The following LAMA1 variants were observed in gnomAD, a reference collection of about 807,000 sequenced individuals.
LAMA1 encodes laminin subunit alpha 1.
LAMA1 carries 219 observed loss-of-function variants against 348.7 expected under a neutral mutation model. The observed-to-expected ratio is 0.63, with a 90% CI of 0.56 to 0.70. The LOEUF (loss-of-function observed/expected upper bound fraction) is 0.70, where lower values mean the gene tolerates loss of function less well. Among genes scored for constraint, LAMA1 ranks in the 30% least tolerant of loss-of-function variants. LAMA1 has a pLI of 0.00. For missense variants in LAMA1, 3,744 were observed against 3,888.0 expected (o/e 0.96, Z 0.99); for synonymous variants, 1,487 against 1,491.0 (o/e 1.00, Z 0.06).
Position 6,977,710 on chromosome 18 carries a change from CG to C in LAMA1, c.6345+16del, listed in dbSNP as rs2057688755. 1.1e-5 allele frequency: 17 copies of C among 1,613,790 alleles called. No homozygotes were observed. Among genetic ancestry groups the C allele is most frequent in the Non-Finnish European group, 1.3e-5 (15 of 1,179,854 alleles). Reference sequence around the variant, plus strand: ...ACTGAGAGCCCAGTTACGAAAGCCACGGGGCCCCAAACTCACAGAAGCTGCT... The same window carrying C: ...ACTGAGAGCCCAGTTACGAAAGCCACGGGCCCCAAACTCACAGAAGCTGCT... On this transcript the variant is annotated intron_variant, in intron 44 of 62. Coordinates refer to ENST00000389658, the MANE Select transcript of LAMA1 (RefSeq NM_005559.4).
intron 11 of LAMA1, chr18:7,038,519 C>T: frequency 2.2e-6 from 1 of 450,956 alleles, no homozygotes; most frequent in Admixed American, 3.4e-5. Flanking sequence ...GGAGGGAGAG[C>T]CGACCTCCCC....
intron 27 of LAMA1, among the ~76,000 whole-genome samples, chr18:7,008,935 C>T (rs571424049): frequency 3.9e-5 from 6 of 152,256 alleles, no homozygotes; most frequent in South Asian, 2.1e-4. Flanking sequence ...TACATCACTA[C>T]GAAGACATGG....
At position 6,966,245 on chromosome 18, in the gene LAMA1, C is replaced by T. The variant is rs750029622; in HGVS notation, c.6952G>A (p.Val2318Met). Residue 2318 changes from valine to methionine, a missense_variant, in exon 49 of 63, where the codon GTG (valine) becomes ATG (methionine). Val to Met is a conservative substitution (Grantham distance 21). Coordinates refer to ENST00000389658, the MANE Select transcript of LAMA1 (RefSeq NM_005559.4). Reference protein sequence around the residue: ...FHFDGSGYSVVEKSLPATVTQ... With the variant: ...FHFDGSGYSVMEKSLPATVTQ... ...ACGGTAGCCGGAAGTGACTTCTCCA[C>T]GACAGAGTACCCACTCCCGTCAAAA... The T allele has an allele frequency of 4.5e-5, 73 of 1,613,752 alleles. No individual in the cohort carries two copies. Among genetic ancestry groups the T allele is most frequent in the South Asian group, 7.7e-5 (7 of 90,970 alleles).
chr18:7,032,658 T>C (rs2057975658), intron 15 of LAMA1, among the ~76,000 whole-genome samples: 2 of 152,170 alleles, frequency 1.3e-5, no homozygotes. Flanking sequence ...CACATGCTGG[T>C]GATTTGTAAA....
chr18:7,078,191 G>C (rs187114383), intron 3 of LAMA1, among the ~76,000 whole-genome samples: 12 of 123,920 alleles, frequency 9.7e-5, no homozygotes, highest in African/African-American at 2.8e-4. Context: ...TTTTGAGACA[G>C]AGTCTCGCTC....
chr18:7,078,387 C>T (rs1218995733), intron 3 of LAMA1, among the ~76,000 whole-genome samples: 4 of 151,580 alleles, frequency 2.6e-5, no homozygotes, highest in South Asian at 2.1e-4. Context: ...AGGATGGTCT[C>T]GATCTCCTGA....
chr18:7,057,385 G>C (rs2058085848), intron 3 of LAMA1, among the ~76,000 whole-genome samples: 1 of 151,820 alleles, frequency 6.6e-6, no homozygotes, highest in Non-Finnish European at 1.5e-5. Context: ...GAAATCCCAG[G>C]CTGAGACAAC....
At chr18:7,103,047 T>G (rs1193916378) in intron 1 of LAMA1, among the ~76,000 whole-genome samples, 3 of 152,212 alleles carry the variant, frequency 2.0e-5, no homozygotes, top group African/African-American at 7.2e-5. Flanking sequence ...TGGACTCCAC[T>G]CATGAGTGCA....
chr18:6,974,598 A>G, intron 46 of LAMA1, among the ~76,000 whole-genome samples: 1 of 151,776 alleles, frequency 6.6e-6, no homozygotes. Context: ...CTGGGATTAC[A>G]GGCACCCACC....
intron 1 of LAMA1, among the ~76,000 whole-genome samples, chr18:7,109,052 T>A (rs1267819415): frequency 1.3e-5 from 2 of 152,186 alleles, no homozygotes; most frequent in East Asian, 3.9e-4. Flanking sequence ...TGCCTCTGGA[T>A]ACAAAATGGG....
chr18:6,974,827 G>A (rs1600362923), intron 46 of LAMA1, 76 bp downstream of exon 46: 1 of 1,550,786 alleles, frequency 6.4e-7, no homozygotes, highest in Non-Finnish European at 8.9e-7. Context: ...CCTATTATAT[G>A]ATGTTACAAG....
chr18:7,063,348 T>G (rs1262603503), intron 3 of LAMA1, among the ~76,000 whole-genome samples: 1 of 152,196 alleles, frequency 6.6e-6, no homozygotes, highest in African/African-American at 2.4e-5. Flanking sequence ...TCCAAATATG[T>G]AGGATACATA....
At chr18:7,012,175 A>G (rs1180471446) in intron 23 of LAMA1, 37 bp from the exon 24 acceptor site, 1 of 1,607,964 alleles carries the variant, frequency 6.2e-7, no homozygotes, top group Non-Finnish European at 8.5e-7. Flanking sequence ...TTTTTGCCTA[A>G]AAAAGAGATG....
At chr18:6,947,621 G>A (rs1048081298) in intron 60 of LAMA1, among the ~76,000 whole-genome samples, 1 of 152,198 alleles carries the variant, frequency 6.6e-6, no homozygotes, top group Non-Finnish European at 1.5e-5. Context: ...GGGCTGTTGG[G>A]ATTTGATCCC....
chr18:6,950,423 G>T (rs2057541216), intron 58 of LAMA1, among the ~76,000 whole-genome samples: 1 of 152,228 alleles, frequency 6.6e-6, no homozygotes, highest in Admixed American at 6.5e-5. Context: ...CACAGGTAAA[G>T]CGTGCTGCAC....
At chr18:7,018,206 C>T (rs1039431668) in intron 19 of LAMA1, among the ~76,000 whole-genome samples, 1 of 150,860 alleles carries the variant, frequency 6.6e-6, no homozygotes, top group African/African-American at 2.4e-5. Context: ...CGTGGTGGCA[C>T]GTGCCTGTAA....
chr18:6,971,755 C>T, intron 48 of LAMA1, 102 bp downstream of exon 48: 1 of 1,533,222 alleles, frequency 6.5e-7, no homozygotes, highest in Non-Finnish European at 9.0e-7. Context: ...AGCGATATCA[C>T]AAACTCTATT....
chr18:7,068,388 G>A lies in LAMA1; in HGVS notation c.345+11587C>T, dbSNP rs552336903. On this transcript the variant is annotated intron_variant, in intron 3 of 62. Transcript: ENST00000389658. Reference sequence around the variant, plus strand: ...GTTGTCCACTTTCTTTGCACTAAGGGCTTAATGTGAATCCGATCGTTGTCT... The same window carrying A: ...GTTGTCCACTTTCTTTGCACTAAGGACTTAATGTGAATCCGATCGTTGTCT... 1.2e-4 allele frequency among the ~76,000 whole-genome samples: 19 copies of A among 152,272 alleles called. No individual in the cohort carries two copies. In the East Asian group the frequency reaches 3.5e-3, roughly 28 times the overall value.
At chr18:7,012,161 C>G (rs764136184) in intron 23 of LAMA1, 23 bp from the exon 24 acceptor site, 1 of 1,613,006 alleles carries the variant, frequency 6.2e-7, no homozygotes, top group Admixed American at 1.7e-5. Context: ...AAATAAAGGA[C>G]TCGTTTTTGC....
Sources: gnomAD v4.1 joint callset for allele counts (sites outside exome capture counted in the v4.1 genomes callset) on GRCh38, gnomAD v4.1.1 for gene constraint, MANE v1.5 for transcripts, NCBI Gene and HGNC (gene_info 2026-07-23, HGNC 2026-07-21) for gene names.